Variants in TRIP12 observed in about 807,000 individuals in gnomAD.
TRIP12 encodes the protein E3 ubiquitin-protein ligase TRIP12.
Under a neutral mutation model 244.2 loss-of-function variants are expected in TRIP12, and 25 were observed. That is an observed-to-expected ratio of 0.10 (90% CI 0.07 to 0.14). The LOEUF is 0.14. Among genes scored for constraint, TRIP12 ranks in the 10% least tolerant of loss-of-function variants. The probability of loss-of-function intolerance (pLI) is 1.00; values close to 1 mark genes in which losing one functional copy is unlikely to be tolerated. For synonymous variants in TRIP12, 905 were observed against 873.1 expected (o/e 1.04, Z -0.64); for missense variants, 1,677 against 2,486.4 (o/e 0.67, Z 6.92).
In TRIP12 at chr2:229,802,381, G is replaced by A. The variant is rs1191121692; in HGVS notation, c.3077C>T (p.Ser1026Leu). ...TSPPKACTNG[S>L]GSMGSTTSVS... is the part of the protein sequence containing the mutation. ...TGAAGTTGTGGATCCCATGGATCCCGATCCATTCGTACATGCCTTTGGTGG... is the reference window on the plus strand; with the variant it reads ...TGAAGTTGTGGATCCCATGGATCCCAATCCATTCGTACATGCCTTTGGTGG... Residue 1026 changes from serine (S) to leucine (L), a missense_variant, in exon 21 of 42, where the codon TCG (serine) becomes TTG (leucine). By Grantham distance (145) the Ser-to-Leu change is moderately radical (BLOSUM62 -2). Coordinates refer to ENST00000675903, the MANE Select transcript of TRIP12 (RefSeq NM_001348323.3). 5.0e-6 allele frequency: 8 copies of A among 1,613,770 alleles called. No individual in the cohort carries two copies. The highest frequency in any genetic ancestry group is 1.7e-4 in the Middle Eastern group (1 of 5,990).
At chr2:229,903,543 T>C (rs1184603250) in intron 1 of TRIP12, among the ~76,000 whole-genome samples, 1 of 151,456 alleles carries the variant, frequency 6.6e-6, no homozygotes, top group African/African-American at 2.4e-5. Context: ...GTCAGAGAGG[T>C]GGCCATGTAG....
At position 229,800,939 on chromosome 2, in the gene TRIP12, G is replaced by A. The variant is rs188685217; in HGVS notation, c.3206+1313C>T. Among the ~76,000 whole-genome samples, 14 of 152,162 alleles carry A rather than the reference G, an allele frequency of 9.2e-5. No homozygotes were observed. The East Asian group carries it at 2.7e-3, about 29-fold the overall frequency. ...AAAAGAAAAAGAAAAAAGGGAGAAA[G>A]GAAAACATTTTTAAAGGGAAAGAAA... On this transcript the variant is annotated intron_variant, in intron 21 of 41. Coordinates refer to ENST00000675903, the MANE Select transcript of TRIP12 (RefSeq NM_001348323.3).
Position 229,808,294 on chromosome 2 carries a change from G to A in TRIP12, c.2297C>T (p.Pro766Leu). Reference protein sequence around the residue: ...GSCQEQIDLVPRSPQELYELT... With the variant: ...GSCQEQIDLVLRSPQELYELT... ...TTCATACAACTCTTGAGGGCTTCGT[G>A]GAACAAGATCAATCTGTTCCTGACA... The change falls in exon 16 of 42, where the codon CCA (proline) becomes CTA (leucine). Residue 766 changes from proline to leucine, a missense_variant. Transcript: ENST00000675903. 1.9e-6 allele frequency: 3 copies of A among 1,613,844 alleles called. No individual in the cohort carries two copies. Among genetic ancestry groups the A allele is most frequent in the Non-Finnish European group, 2.5e-6 (3 of 1,179,954 alleles).
chr2:229,866,965 G>A (rs1397511806), intron 2 of TRIP12, among the ~76,000 whole-genome samples: 1 of 152,002 alleles, frequency 6.6e-6, no homozygotes, highest in East Asian at 1.9e-4. Flanking sequence ...CCCTGAACAT[G>A]GAGATACATC....
At chr2:229,922,273 AC>A (rs1178995693), upstream of TRIP12, 5 of 534,364 alleles carry the variant, frequency 9.4e-6, no homozygotes, top group East Asian at 3.2e-5. Context: ...CGCCGGGGTC[AC>A]CCCCTCCCCT....
chr2:229,807,640 C>T, intron 17 of TRIP12, 68 bp downstream of exon 17: 1 of 1,565,916 alleles, frequency 6.4e-7, no homozygotes. Context: ...TATCCACCTC[C>T]CCATTCCATC....
At chr2:229,820,996 A>T (rs1426365682) in intron 8 of TRIP12, among the ~76,000 whole-genome samples, 2 of 152,248 alleles carry the variant, frequency 1.3e-5, no homozygotes, top group Admixed American at 1.3e-4. Flanking sequence ...GACCCAGCAC[A>T]GTTCAAACTC....
chr2:229,771,873 T>C (rs959939559), intron 38 of TRIP12, among the ~76,000 whole-genome samples: 12 of 152,214 alleles, frequency 7.9e-5, no homozygotes, highest in African/African-American at 2.9e-4. Flanking sequence ...TTACATTTAG[T>C]GTGTTTTAAA....
chr2:229,800,706 T>G (rs1015962972), intron 21 of TRIP12, among the ~76,000 whole-genome samples: 1 of 152,222 alleles, frequency 6.6e-6, no homozygotes, highest in Non-Finnish European at 1.5e-5. Context: ...TCTCTTTCTT[T>G]GGCATAATCA....
intron 2 of TRIP12, among the ~76,000 whole-genome samples, chr2:229,877,879 G>T (rs2063923287): frequency 6.6e-6 from 1 of 152,124 alleles, no homozygotes. Flanking sequence ...AATCTAAAAT[G>T]AACATGTAAC....
intron 1 of TRIP12, among the ~76,000 whole-genome samples, chr2:229,903,488 C>G (rs1008523112): frequency 3.3e-5 from 5 of 151,846 alleles, no homozygotes; most frequent in Non-Finnish European, 7.4e-5. Flanking sequence ...TGACGTTCCA[C>G]GGAGCAAGAA....
At chr2:229,822,172 T>C (rs528539384) in intron 8 of TRIP12, among the ~76,000 whole-genome samples, 105 of 151,992 alleles carry the variant, frequency 6.9e-4, no homozygotes, top group Non-Finnish European at 1.3e-3. Flanking sequence ...AAAAAACTGA[T>C]AGAGGGGAGA....
chr2:229,897,775 A>G (rs2069305830), intron 1 of TRIP12, among the ~76,000 whole-genome samples: 2 of 152,360 alleles, frequency 1.3e-5, no homozygotes, highest in Middle Eastern at 3.4e-3. Context: ...ATTTCGTTAG[A>G]TGCCTCTGCA....
At chr2:229,770,801 A>G (rs1449337456) in intron 39 of TRIP12, among the ~76,000 whole-genome samples, 1 of 152,092 alleles carries the variant, frequency 6.6e-6, no homozygotes, top group East Asian at 1.9e-4. Flanking sequence ...GTCTCACGAG[A>G]TCTGATGGTT....
chr2:229,811,602 C>T (rs1039768650), intron 13 of TRIP12, among the ~76,000 whole-genome samples: 1 of 152,056 alleles, frequency 6.6e-6, no homozygotes, highest in Non-Finnish European at 1.5e-5. Context: ...AGGAAAGTTG[C>T]GAGAACCAGA....
chr2:229,780,602 T>A (rs1025536638), intron 34 of TRIP12, among the ~76,000 whole-genome samples: 27 of 152,172 alleles, frequency 1.8e-4, no homozygotes, highest in African/African-American at 6.3e-4. Context: ...TTGCTCTCTA[T>A]GCTCGAGCCA....
chr2:229,883,574 T>TAG (rs1486367207), intron 1 of TRIP12, among the ~76,000 whole-genome samples: 1 of 152,216 alleles, frequency 6.6e-6, no homozygotes, highest in Non-Finnish European at 1.5e-5. Flanking sequence ...ACACTAGTCT[T>TAG]TTCTAACCAT....
At chr2:229,876,448 GT>G (rs1481157370) in intron 2 of TRIP12, among the ~76,000 whole-genome samples, 2 of 152,198 alleles carry the variant, frequency 1.3e-5, no homozygotes, top group Admixed American at 1.3e-4. Flanking sequence ...CTAATAAGAT[GT>G]TTTGGCTAAA....
At chr2:229,837,490 C>G (rs1406911241) in intron 5 of TRIP12, among the ~76,000 whole-genome samples, 1 of 152,042 alleles carries the variant, frequency 6.6e-6, no homozygotes, top group Non-Finnish European at 1.5e-5. Context: ...CAAAAATTAG[C>G]CAGGTGTGGT....
Sources: allele counts gnomAD v4.1 joint callset (sites outside exome capture counted in the v4.1 genomes callset), GRCh38; gene constraint gnomAD v4.1.1; transcripts MANE v1.5; gene names NCBI Gene and HGNC (gene_info 2026-07-23, HGNC 2026-07-21).